The following COL11A1 variants were observed in gnomAD, a reference collection of about 807,000 sequenced individuals.
COL11A1 encodes the protein collagen type XI alpha 1 chain.
A neutral mutation model predicts 265.2 loss-of-function variants in COL11A1; 74 were observed. The ratio of observed to expected loss-of-function variants is 0.28; its 90% confidence interval spans 0.23 to 0.34. COL11A1 has a LOEUF of 0.34. Ranked by LOEUF, COL11A1 falls within the 10% of genes least tolerant of loss-of-function variation. The pLI, the probability that COL11A1 is intolerant of heterozygous loss-of-function variation, is 1.00. For synonymous variants in COL11A1, 816 were observed against 727.6 expected (o/e 1.12, Z -1.96); for missense variants, 2,165 against 2,263.6 (o/e 0.96, Z 0.88).
At chr1:102,905,852 T>A (rs1032716548) in intron 54 of COL11A1, among the ~76,000 whole-genome samples, 5 of 152,170 alleles carry the variant, frequency 3.3e-5, no homozygotes, top group African/African-American at 1.2e-4. Context: ...CCTTTTTGTA[T>A]GTGTATCACC....
chr1:103,039,548 C>T (rs895861183), intron 4 of COL11A1, among the ~76,000 whole-genome samples: 1 of 151,922 alleles, frequency 6.6e-6, no homozygotes, highest in African/African-American at 2.4e-5. Context: ...CATGTAAAGA[C>T]ACAGGGAGAA....
intron 28 of COL11A1, among the ~76,000 whole-genome samples, chr1:102,990,982 A>C (rs944189612): frequency 3.9e-5 from 6 of 152,072 alleles, no homozygotes; most frequent in Admixed American, 3.3e-4. Context: ...GCAGCGAACC[A>C]AGATCACTCC....
At chr1:103,063,450 A>G (rs1398897621) in intron 4 of COL11A1, among the ~76,000 whole-genome samples, 2 of 152,174 alleles carry the variant, frequency 1.3e-5, no homozygotes, top group Non-Finnish European at 2.9e-5. Context: ...AAAGGAGCAA[A>G]TGAAATACAA....
chr1:103,083,870 AG>A, intron 1 of COL11A1, among the ~76,000 whole-genome samples: 1 of 152,248 alleles, frequency 6.6e-6, no homozygotes. Context: ...TTTTAGTGGA[AG>A]CATAAATTTC....
chr1:103,081,294 G>A (rs936193178), intron 2 of COL11A1, among the ~76,000 whole-genome samples: 1 of 151,664 alleles, frequency 6.6e-6, no homozygotes, highest in African/African-American at 2.4e-5. Context: ...TAGTTCTAAA[G>A]GTTTTTAATT....
intron 1 of COL11A1, among the ~76,000 whole-genome samples, chr1:103,095,633 C>CA (rs1259100202): frequency 6.6e-6 from 1 of 151,730 alleles, no homozygotes; most frequent in Non-Finnish European, 1.5e-5. Flanking sequence ...GATCTTTTTT[C>CA]AAAAAATTAT....
At chr1:103,021,999 AC>A (rs1667124380) in intron 8 of COL11A1, among the ~76,000 whole-genome samples, 1 of 138,996 alleles carries the variant, frequency 7.2e-6, no homozygotes, top group Non-Finnish European at 1.5e-5. Flanking sequence ...GGCGCCCGCC[AC>A]CACACCTAGC....
At chr1:103,026,385 T>C in intron 5 of COL11A1, 53 bp from the exon 6 acceptor site, 2 of 1,127,152 alleles carry the variant, frequency 1.8e-6, no homozygotes, top group Non-Finnish European at 2.7e-6. Context: ...CAAAATACTA[T>C]TCACAAAGTG....
Position 103,108,289 on chromosome 1 carries a change from G to A in COL11A1, c.-111C>T. ...GGATGTTTGCTACACAGCCATTGGG[G>A]AGGGAGAGGGGGAAAAAGTCAAAGG... is the stretch of plus-strand genomic sequence containing the variant. On this transcript the variant is annotated 5_prime_UTR_variant, in exon 1 of 67. Transcript: ENST00000370096. 1.2e-6 allele frequency: 1 copy of A among 808,402 alleles called. No homozygotes were observed. The highest frequency in any genetic ancestry group is 2.1e-6 in the Non-Finnish European group (1 of 468,136). 50.1% of individuals were successfully genotyped at this position (808,402 alleles called of 1,614,324 possible).
At chr1:103,073,956 A>G (rs1389486839) in intron 4 of COL11A1, among the ~76,000 whole-genome samples, 2 of 152,046 alleles carry the variant, frequency 1.3e-5, no homozygotes, top group Non-Finnish European at 2.9e-5. Context: ...CAATCACAGA[A>G]ATAATAAATA....
chr1:102,958,419 C>T (rs1245523846), intron 41 of COL11A1, among the ~76,000 whole-genome samples: 1 of 151,892 alleles, frequency 6.6e-6, no homozygotes, highest in African/African-American at 2.4e-5. Flanking sequence ...AATTATACTT[C>T]ACATCTAGAA....
Position 103,026,289 on chromosome 1 carries a change from T to G in COL11A1, c.824A>C (p.Glu275Ala), listed in dbSNP as rs1667510242. 1.2e-6 allele frequency: 2 copies of G among 1,613,684 alleles called. No homozygotes were observed. Among genetic ancestry groups the G allele is most frequent in the African/African-American group, 2.7e-5 (2 of 75,006 alleles). ...ACTTTCAGCCTCTTTATACTCTGCTTCCCCATACTCATAGTCATATTCGAT... is the reference window on the plus strand; with the variant it reads ...ACTTTCAGCCTCTTTATACTCTGCTGCCCCATACTCATAGTCATATTCGAT... ...DIIEYDYEYGEAEYKEAESVT... is the reference protein window; with the variant it reads ...DIIEYDYEYGAAEYKEAESVT... Residue 275 changes from glutamate to alanine, a missense_variant, in exon 6 of 67, where the codon GAA becomes GCA. By Grantham distance (107) the Glu-to-Ala change is moderately radical. Coordinates refer to ENST00000370096, the MANE Select transcript of COL11A1 (RefSeq NM_001854.4).
chr1:103,047,380 G>A (rs1161163695), intron 4 of COL11A1, among the ~76,000 whole-genome samples: 1 of 152,092 alleles, frequency 6.6e-6, no homozygotes, highest in East Asian at 1.9e-4. Context: ...TTGTGAGTGG[G>A]AATTCACTCA....
At chr1:102,923,506 T>A in intron 46 of COL11A1, 117 bp from the exon 47 acceptor site, 1 of 761,902 alleles carries the variant, frequency 1.3e-6, no homozygotes, top group Non-Finnish European at 2.2e-6. Flanking sequence ...GAAATTAAGA[T>A]TCAGATACTA....
At chr1:103,080,010 C>T (rs1672276131) in intron 2 of COL11A1, among the ~76,000 whole-genome samples, 1 of 151,682 alleles carries the variant, frequency 6.6e-6, no homozygotes, top group Non-Finnish European at 1.5e-5. Context: ...TTTCAAATCA[C>T]CAAAGTACTA....
At chr1:103,070,436 C>A (rs754459632) in intron 4 of COL11A1, among the ~76,000 whole-genome samples, 2 of 151,012 alleles carry the variant, frequency 1.3e-5, no homozygotes, top group Middle Eastern at 3.2e-3. Context: ...GGAAAAAAAA[C>A]GAGTTAAAAC....
At chr1:102,905,927 C>T (rs1183575701) in intron 54 of COL11A1, among the ~76,000 whole-genome samples, 5 of 152,104 alleles carry the variant, frequency 3.3e-5, no homozygotes, top group Admixed American at 2.0e-4. Context: ...ATAAACAAAA[C>T]TAACTTTACC....
intron 12 of COL11A1, among the ~76,000 whole-genome samples, 194 bp from the exon 13 acceptor site, chr1:103,014,788 A>C (rs933482440): frequency 1.3e-5 from 2 of 152,094 alleles, no homozygotes; most frequent in African/African-American, 4.8e-5. Context: ...AGTTCTTTAC[A>C]CTACAGGTTA....
At chr1:103,027,910 A>G (rs932167037) in intron 5 of COL11A1, among the ~76,000 whole-genome samples, 1 of 152,160 alleles carries the variant, frequency 6.6e-6, no homozygotes, top group Non-Finnish European at 1.5e-5. Flanking sequence ...TCTGTCCTTT[A>G]TTTAAACTCT....
Sources: gnomAD v4.1 joint callset for allele counts (sites outside exome capture counted in the v4.1 genomes callset) on GRCh38, gnomAD v4.1.1 for gene constraint, MANE v1.5 for transcripts, NCBI Gene and HGNC (gene_info 2026-07-23, HGNC 2026-07-21) for gene names.